MAP3K3: variants seen among roughly 807,000 people sequenced by gnomAD.
The protein encoded by MAP3K3 is MAP/ERK kinase kinase 3.
Under a neutral mutation model 80.9 loss-of-function variants are expected in MAP3K3, and 12 were observed. The observed-to-expected ratio is 0.15, with a 90% CI of 0.10 to 0.24. The LOEUF (loss-of-function observed/expected upper bound fraction) is 0.24, where lower values mean the gene tolerates loss of function less well. MAP3K3 is among the 10% of genes least tolerant of loss of function. The pLI, the probability that MAP3K3 is intolerant of heterozygous loss-of-function variation, is 1.00. For synonymous variants in MAP3K3, 272 were observed against 307.1 expected (o/e 0.89, Z 1.19); for missense variants, 596 against 834.7 (o/e 0.71, Z 3.52).
chr17:63,675,423 C>G (rs2035198454), intron 6 of MAP3K3, among the ~76,000 whole-genome samples: 2 of 152,218 alleles, frequency 1.3e-5, no homozygotes, highest in Non-Finnish European at 2.9e-5. Flanking sequence ...GAGACAACTT[C>G]CTGACTGCAT....
rs553697672 is a variant in MAP3K3, at chr17:63,689,191, G to A, written c.871+310G>A. 3.5e-5 allele frequency: 19 copies of A among 546,770 alleles called. No homozygotes were observed. The highest frequency in any genetic ancestry group is 6.2e-5 in the Non-Finnish European group (19 of 306,700). 33.9% of individuals were successfully genotyped at this position (546,770 alleles called of 1,614,324 possible). A position where few individuals can be genotyped will look rare whatever the true frequency, so the allele number is the denominator to read the frequency against. The stretch of plus-strand genomic sequence containing the variant: ...GGCCTGGGCCCTGTAGAGGGGTAAG[G>A]AGTAGGATACAAGGAAATCAGTGCC... On this transcript the variant is annotated intron_variant, in intron 10 of 15. Transcript: ENST00000361733. This position sits in a 1 kb window ranked among gnomAD's most constrained non-coding sequence, Gnocchi z 4.3.
At chr17:63,658,456 G>A (rs1384083215) in intron 5 of MAP3K3, among the ~76,000 whole-genome samples, 2 of 152,182 alleles carry the variant, frequency 1.3e-5, no homozygotes, top group African/African-American at 4.8e-5. Context: ...CAGAAGTGGG[G>A]AATTATCCCT....
chr17:63,634,920 T>G lies in MAP3K3; in HGVS notation c.126+2118T>G. 8.0e-6 allele frequency: 7 copies of G among 877,652 alleles called. No individual in the cohort carries two copies. In the South Asian group the frequency reaches 8.5e-5, roughly 11 times the overall value. 54.4% of individuals were successfully genotyped at this position (877,652 alleles called of 1,614,324 possible). Reference sequence around the variant, plus strand: ...TTAGTGGATTTGTAAAAAGCATTGGTTACCCGTGACCTGTGTTCAGTGCTT... The same window carrying G: ...TTAGTGGATTTGTAAAAAGCATTGGGTACCCGTGACCTGTGTTCAGTGCTT... On this transcript the variant is annotated intron_variant, in intron 2 of 15. Transcript: ENST00000361733.
rs561811312 is a variant in MAP3K3, at chr17:63,625,285, A to T, written c.4+2522A>T. The stretch of plus-strand genomic sequence containing the variant: ...TATTTATCTCTGTAAATAATAGGAA[A>T]TTTTTTTTTTTGCTTTGATACTATG... On this transcript the variant is annotated intron_variant, in intron 1 of 15. Transcript: ENST00000361733. Among the ~76,000 whole-genome samples the T allele has an allele frequency of 8.7e-4, 130 of 148,752 alleles. No homozygotes were observed. The South Asian group carries it at 0.019, about 22-fold the overall frequency.
At chr17:63,633,333 A>G (rs2034257334) in intron 2 of MAP3K3, among the ~76,000 whole-genome samples, 2 of 152,168 alleles carry the variant, frequency 1.3e-5, no homozygotes, top group African/African-American at 4.8e-5. Context: ...CAGTATTCAT[A>G]TTCGTTTTTC....
At chr17:63,631,375 A>G (rs1442212904) in intron 1 of MAP3K3, among the ~76,000 whole-genome samples, 1 of 152,182 alleles carries the variant, frequency 6.6e-6, no homozygotes, top group Non-Finnish European at 1.5e-5. Context: ...GTTTCTTTCC[A>G]CAGGGTATTA....
intron 5 of MAP3K3, among the ~76,000 whole-genome samples, chr17:63,664,758 T>A (rs569170645): frequency 6.6e-6 from 1 of 152,302 alleles, no homozygotes; most frequent in South Asian, 2.1e-4. Flanking sequence ...AGTTCATACC[T>A]ATGGGCTCTC....
chr17:63,667,906 G>A (rs1297867295), intron 6 of MAP3K3, among the ~76,000 whole-genome samples: 1 of 152,152 alleles, frequency 6.6e-6, no homozygotes, highest in Non-Finnish European at 1.5e-5. Context: ...CTCTGTGGCT[G>A]CTACCAGTCC....
chr17:63,670,037 A>G (rs2143481300), intron 6 of MAP3K3, among the ~76,000 whole-genome samples: 1 of 151,894 alleles, frequency 6.6e-6, no homozygotes, highest in East Asian at 2.0e-4. Flanking sequence ...TGGGAGGCAG[A>G]GGTTTCAGTG....
intron 1 of MAP3K3, among the ~76,000 whole-genome samples, chr17:63,629,569 G>GA (rs1191864197): frequency 1.7e-4 from 24 of 137,968 alleles, no homozygotes; most frequent in East Asian, 3.9e-4. Context: ...TTTTTAGAAG[G>GA]AAAAAAAACA....
At chr17:63,688,953 C>A in intron 10 of MAP3K3, 72 bp downstream of exon 10, 2 of 1,111,420 alleles carry the variant, frequency 1.8e-6, no homozygotes, top group South Asian at 1.3e-5. Flanking sequence ...AGGGTGGGTT[C>A]GTCCATGCAG....
At chr17:63,628,792 T>C (rs569221846) in intron 1 of MAP3K3, among the ~76,000 whole-genome samples, 3 of 152,374 alleles carry the variant, frequency 2.0e-5, no homozygotes, top group African/African-American at 7.2e-5. Flanking sequence ...AGTAAATTGT[T>C]GTTAATGATT....
intron 2 of MAP3K3, 78 bp downstream of exon 2, chr17:63,632,880 G>C (rs1009473499): frequency 3.0e-5 from 48 of 1,579,050 alleles, no homozygotes; most frequent in Non-Finnish European, 4.1e-5. Flanking sequence ...AAAAGCCAAG[G>C]AGACTACATT....
chr17:63,658,094 T>A (rs1488832575), intron 5 of MAP3K3, among the ~76,000 whole-genome samples, 187 bp downstream of exon 5: 2 of 152,220 alleles, frequency 1.3e-5, no homozygotes, highest in Non-Finnish European at 2.9e-5. Context: ...AAAGCCAGAT[T>A]GTCAGTGTTA....
At chr17:63,674,328 G>T (rs541715623) in intron 6 of MAP3K3, among the ~76,000 whole-genome samples, 1 of 152,254 alleles carries the variant, frequency 6.6e-6, no homozygotes, top group Admixed American at 6.5e-5. Context: ...ACTTTGGGAG[G>T]CCAAGGTGGG....
intron 4 of MAP3K3, among the ~76,000 whole-genome samples, chr17:63,654,138 G>A (rs2034716552): frequency 6.6e-6 from 1 of 152,020 alleles, no homozygotes; most frequent in South Asian, 2.1e-4. Flanking sequence ...CAAAGTGCTG[G>A]GATTACAGGC....
Position 63,692,204 on chromosome 17 carries a change from G to A in MAP3K3, c.1475-38G>A, listed in dbSNP as rs766313267. 3 of 1,609,542 alleles carry A rather than the reference G, an allele frequency of 1.9e-6. No individual in the cohort carries two copies. The highest frequency in any genetic ancestry group is 2.2e-5 in the South Asian group (2 of 90,908). ...GGGGAGGATGGGAGAAAATGCAAGA[G>A]GGTCCAGGGTTGCAGCCTCTGCCCT... On this transcript the variant is annotated intron_variant, in intron 14 of 15. Coordinates refer to ENST00000361733, the MANE Select transcript of MAP3K3 (RefSeq NM_002401.5). This position sits in a 1 kb window ranked among gnomAD's most constrained non-coding sequence, Gnocchi z 4.5.
In MAP3K3 at chr17:63,652,598, A is replaced by G. The variant is rs1568132839; in HGVS notation, c.209A>G (p.Glu70Gly). ...FSRPVKYEDV[E>G]HKVTTVFGQP... ...CGGCCTGTGAAATATGAAGATGTGG[A>G]GCACAAGGTGACAACAGTATTTGGA... Residue 70 changes from glutamate to glycine, a missense_variant, in exon 4 of 16, where the codon GAG (glutamate) becomes GGG (glycine). Physicochemically the swap from Glu to Gly is moderately conservative, Grantham distance 98 (BLOSUM62 -2). Transcript: ENST00000361733. The G allele has an allele frequency of 6.2e-7, 1 of 1,614,090 alleles. No homozygotes were observed. The highest frequency in any genetic ancestry group is 8.5e-7 in the Non-Finnish European group (1 of 1,179,952).
chr17:63,681,020 A>G (rs1253200075), intron 6 of MAP3K3, among the ~76,000 whole-genome samples: 1 of 151,970 alleles, frequency 6.6e-6, no homozygotes, highest in East Asian at 1.9e-4. Flanking sequence ...AATTACTGTG[A>G]ATGTGTAACA....
Sources: allele counts gnomAD v4.1 joint callset (sites outside exome capture counted in the v4.1 genomes callset), GRCh38; gene constraint gnomAD v4.1.1; non-coding constraint Gnocchi (gnomAD v3.1); transcripts MANE v1.5; gene names NCBI Gene and HGNC (gene_info 2026-07-23, HGNC 2026-07-21).